Variants in PAWR observed in about 807,000 individuals in gnomAD.
PAWR encodes pro-apoptotic WT1 regulator, also known as PRKC apoptosis WT1 regulator protein.
PAWR carries 23 observed loss-of-function variants against 32.0 expected under a neutral mutation model. The observed-to-expected ratio is 0.72, with a 90% CI of 0.52 to 1.02. The LOEUF (loss-of-function observed/expected upper bound fraction) is 1.02, where lower values mean the gene tolerates loss of function less well. PAWR is among the 50% of genes least tolerant of loss of function. The pLI is 0.00. For synonymous variants in PAWR, 226 were observed against 187.1 expected, an observed-to-expected ratio of 1.21 and a Z score of -1.70; for missense variants, 457 against 437.7, an observed-to-expected ratio of 1.04 and a Z score of -0.39.
chr12:79,688,230 A>G (rs946355637), intron 2 of PAWR: 5 of 151,664 alleles, frequency 3.3e-5, no homozygotes, highest in African/African-American at 1.2e-4. Context: ...CCTTGTTTAA[A>G]AAAAAAAAAA....
At chr12:79,650,785 A>G (rs140694307) in intron 2 of PAWR, among the ~76,000 whole-genome samples, 57 of 151,540 alleles carry the variant, frequency 3.8e-4, no homozygotes, top group African/African-American at 1.3e-3. Context: ...ACAACCACTA[A>G]TTTGCTGATC....
chr12:79,653,060 T>G (rs1876927128), intron 2 of PAWR, among the ~76,000 whole-genome samples: 1 of 152,372 alleles, frequency 6.6e-6, no homozygotes, highest in East Asian at 1.9e-4. Context: ...TTTGTTTTTT[T>G]GAGACAGAGT....
intron 2 of PAWR, among the ~76,000 whole-genome samples, chr12:79,645,032 C>CTCA (rs2136782989): frequency 9.8e-6 from 1 of 102,434 alleles, no homozygotes; most frequent in African/African-American, 8.1e-5. Flanking sequence ...TCCCTCCACC[C>CTCA]CCACCACACA....
chr12:79,635,188 G>A (rs968469471), intron 2 of PAWR, among the ~76,000 whole-genome samples: 1 of 152,092 alleles, frequency 6.6e-6, no homozygotes, highest in Non-Finnish European at 1.5e-5. Context: ...TCCCTGTGGT[G>A]TCTCAACTGG....
At chr12:79,604,289 A>C in intron 4 of PAWR, 1 of 994,526 alleles carries the variant, frequency 1.0e-6, no homozygotes, top group Non-Finnish European at 1.2e-6. Context: ...TGCTCAGAAA[A>C]GGGAAAAGAA....
intron 2 of PAWR, 100 bp downstream of exon 2, chr12:79,689,629 G>A (rs1293284429): frequency 3.0e-6 from 4 of 1,318,338 alleles, no homozygotes; most frequent in Non-Finnish European, 3.1e-6. Context: ...TACGAGCCAG[G>A]GGAGGTAAAC....
chr12:79,603,195 C>T (rs1250540745), intron 4 of PAWR, among the ~76,000 whole-genome samples: 1 of 151,998 alleles, frequency 6.6e-6, no homozygotes, highest in Non-Finnish European at 1.5e-5. Flanking sequence ...GTTGAGGCTG[C>T]AGTGAGCGAT....
At chr12:79,636,939 T>C (rs548657518) in intron 2 of PAWR, among the ~76,000 whole-genome samples, 55 of 152,210 alleles carry the variant, frequency 3.6e-4, no homozygotes, top group African/African-American at 1.3e-3. Flanking sequence ...TAAACACTCC[T>C]CAACAAGGCT....
intron 2 of PAWR, among the ~76,000 whole-genome samples, chr12:79,644,863 T>A (rs1036875941): frequency 1.3e-5 from 2 of 152,164 alleles, no homozygotes; most frequent in African/African-American, 4.8e-5. Context: ...AGACAAACTT[T>A]AAATTTCTGA....
At chr12:79,648,558 G>T (rs945080525) in intron 2 of PAWR, among the ~76,000 whole-genome samples, 4 of 151,296 alleles carry the variant, frequency 2.6e-5, no homozygotes, top group African/African-American at 9.8e-5. Flanking sequence ...CAAGGCGGGG[G>T]GATCGCTTGA....
intron 2 of PAWR, among the ~76,000 whole-genome samples, chr12:79,657,086 T>C (rs2136813339): frequency 2.0e-5 from 3 of 152,150 alleles, no homozygotes; most frequent in Admixed American, 2.0e-4. Flanking sequence ...GTTGAAGGAA[T>C]AAACCTAAAC....
At chr12:79,616,396 A>G (rs370927840) in intron 3 of PAWR, among the ~76,000 whole-genome samples, 21 of 152,288 alleles carry the variant, frequency 1.4e-4, no homozygotes, top group African/African-American at 5.1e-4. Context: ...TAGATTTACT[A>G]ATTTGTGGGT....
Position 79,681,157 on chromosome 12 carries a change from G to C in PAWR, c.516+8572C>G, listed in dbSNP as rs557443934. Reference sequence around the variant, plus strand: ...GGGAGGGGAGGGGTGGGGAGGGGAGGGGAGGGGAGGAAAGGAAAGGAAAGG... The same window carrying C: ...GGGAGGGGAGGGGTGGGGAGGGGAGCGGAGGGGAGGAAAGGAAAGGAAAGG... On this transcript the variant is annotated intron_variant, in intron 2 of 6. Coordinates refer to ENST00000328827, the MANE Select transcript of PAWR (RefSeq NM_002583.4). Among the ~76,000 whole-genome samples, 130 of 146,008 alleles carry C rather than the reference G, an allele frequency of 8.9e-4. 3 individuals carry two copies. Among genetic ancestry groups the C allele is most frequent in the African/African-American group, 3.2e-3 (127 of 39,752 alleles).
At chr12:79,647,843 C>T (rs904899937) in intron 2 of PAWR, among the ~76,000 whole-genome samples, 1 of 152,200 alleles carries the variant, frequency 6.6e-6, no homozygotes, top group African/African-American at 2.4e-5. Context: ...TCTAACACAG[C>T]GGTCCCCAAT....
At chr12:79,678,369 T>G (rs1878273810) in intron 2 of PAWR, among the ~76,000 whole-genome samples, 1 of 152,250 alleles carries the variant, frequency 6.6e-6, no homozygotes. Context: ...ATATCAATCC[T>G]CTTTAACTGT....
chr12:79,593,477 T>C (rs1018592903), intron 6 of PAWR, among the ~76,000 whole-genome samples: 1 of 151,946 alleles, frequency 6.6e-6, no homozygotes, highest in Non-Finnish European at 1.5e-5. Flanking sequence ...ACAAGAAACA[T>C]TATTTCAAGA....
At position 79,690,136 on chromosome 12, in the gene PAWR, G is replaced by C; in HGVS notation, c.109C>G (p.Pro37Ala). ...CCCCCTCCCGGGGGGGCCGGGCCCG[G>C]GGGGTTCTGCTTGGCGCGCATCTTC... ...REKMRAKQNP[P>A]GPAPPGGGSS... Residue 37 changes from proline to alanine, a missense_variant, in exon 2 of 7, where the codon CCG becomes GCG. Coordinates refer to ENST00000328827, the MANE Select transcript of PAWR (RefSeq NM_002583.4). The C allele has an allele frequency of 1.3e-6, 2 of 1,518,348 alleles. No homozygotes were observed. The highest frequency in any genetic ancestry group is 1.8e-6 in the Non-Finnish European group (2 of 1,136,178). The allele number at this position is 1,518,348 out of a possible 1,614,324, so 94.1% of individuals were successfully genotyped here.
intron 2 of PAWR, among the ~76,000 whole-genome samples, chr12:79,651,339 A>G (rs1876834468): frequency 6.6e-6 from 1 of 152,230 alleles, no homozygotes; most frequent in Non-Finnish European, 1.5e-5. Context: ...GTGTAAATAA[A>G]TGCAATCTCC....
intron 4 of PAWR, among the ~76,000 whole-genome samples, chr12:79,598,226 T>A (rs1286178495): frequency 6.6e-6 from 1 of 152,222 alleles, no homozygotes; most frequent in African/African-American, 2.4e-5. Flanking sequence ...GAGGTAGGGT[T>A]CACTGGGGGC....
Sources: gnomAD v4.1 joint callset for allele counts (sites outside exome capture counted in the v4.1 genomes callset) on GRCh38, gnomAD v4.1.1 for gene constraint, MANE v1.5 for transcripts, NCBI Gene and HGNC (gene_info 2026-07-23, HGNC 2026-07-21) for gene names.